Variants in PPP2R3A observed in about 807,000 individuals in gnomAD.
The protein encoded by PPP2R3A is serine/threonine-protein phosphatase 2A regulatory subunit B'' subunit alpha.
In PPP2R3A, 80 loss-of-function variants were observed where a neutral mutation model predicts 106.9. The observed-to-expected ratio is 0.75, with a 90% CI of 0.62 to 0.90. The LOEUF is 0.90. Ranked by LOEUF, PPP2R3A falls within the 40% of genes least tolerant of loss-of-function variation. PPP2R3A has a pLI of 0.00. For missense variants in PPP2R3A, 1,386 were observed against 1,350.4 expected (o/e 1.03, Z -0.41); for synonymous variants, 483 against 468.3 (o/e 1.03, Z -0.41).
chr3:136,030,778 A>ATATATATATGTATGTATG (rs1206335696), intron 3 of PPP2R3A, among the ~76,000 whole-genome samples: 2 of 111,260 alleles, frequency 1.8e-5, no homozygotes, highest in Non-Finnish European at 3.9e-5. Flanking sequence ...ATATATATAT[A>ATATATATATGTATGTATG]TATGTATGTA....
At position 136,070,537 on chromosome 3, in the gene PPP2R3A, C is replaced by G. The variant is rs773129721; in HGVS notation, c.2529C>G (p.Ser843=). The change falls in exon 6 of 14, where the codon TCC becomes TCG. Residue 843 remains serine (S), a synonymous_variant. Coordinates refer to ENST00000264977, the MANE Select transcript of PPP2R3A (RefSeq NM_002718.5). ...TGAAAGATGCTCCAGAATTCCACTC[C>G]CGCTACATCACCACGGTAGGCTGAG... ...TFLKDAPEFH[S]RYITTVIQRI... 8.1e-6 allele frequency: 13 copies of G among 1,610,174 alleles called. No individual in the cohort carries two copies. The highest frequency in any genetic ancestry group is 6.8e-5 in the Admixed American group (4 of 59,056).
chr3:136,004,041 A>G (rs1933755017), intron 2 of PPP2R3A, among the ~76,000 whole-genome samples: 1 of 152,222 alleles, frequency 6.6e-6, no homozygotes, highest in Non-Finnish European at 1.5e-5. Flanking sequence ...GTTCATGAGC[A>G]TGTGAACACC....
intron 1 of PPP2R3A, among the ~76,000 whole-genome samples, chr3:135,977,816 C>T (rs554735948): frequency 5.3e-5 from 8 of 150,448 alleles, no homozygotes; most frequent in African/African-American, 4.9e-5. Context: ...TCTCCAGCCT[C>T]GGTCTCCCGA....
chr3:136,019,655 A>G (rs1050024347), intron 2 of PPP2R3A, among the ~76,000 whole-genome samples: 4 of 152,198 alleles, frequency 2.6e-5, no homozygotes, highest in South Asian at 2.1e-4. Flanking sequence ...CCAAGCATAT[A>G]TACTAATACT....
At chr3:136,063,504 A>G (rs887462226) in intron 5 of PPP2R3A, among the ~76,000 whole-genome samples, 24 of 152,230 alleles carry the variant, frequency 1.6e-4, no homozygotes, top group African/African-American at 5.3e-4. Flanking sequence ...AATGGGAGAA[A>G]ATTTTTGCAA....
At position 136,075,372 on chromosome 3, in the gene PPP2R3A, T is replaced by C. The variant is rs148554143; in HGVS notation, c.2545-2995T>C. ...AGAGAGCAGTTAGAAAAACAATAAT[T>C]AGTGTAGAGTCAGCAGCTACATGCT... is the stretch of plus-strand genomic sequence containing the variant. On this transcript the variant is annotated intron_variant, in intron 6 of 13. Coordinates refer to ENST00000264977, the MANE Select transcript of PPP2R3A (RefSeq NM_002718.5). Among the ~76,000 whole-genome samples the C allele has an allele frequency of 7.8e-4, 118 of 152,224 alleles. 1 individual carries two copies. The East Asian group carries it at 0.014, about 18-fold the overall frequency.
At chr3:136,047,180 G>A (rs1264151358) in intron 4 of PPP2R3A, among the ~76,000 whole-genome samples, 1 of 152,310 alleles carries the variant, frequency 6.6e-6, no homozygotes, top group Non-Finnish European at 1.5e-5. Context: ...TATAGTCCAC[G>A]GAAATTTCCC....
At chr3:136,079,990 T>C (rs1936728794) in intron 7 of PPP2R3A, among the ~76,000 whole-genome samples, 1 of 152,286 alleles carries the variant, frequency 6.6e-6, no homozygotes, top group South Asian at 2.1e-4. Flanking sequence ...TAAACAGAAG[T>C]CACTATTCTT....
At chr3:136,115,174 CCTGA>C (rs1043706707) in intron 13 of PPP2R3A, among the ~76,000 whole-genome samples, 13 of 152,272 alleles carry the variant, frequency 8.5e-5, no homozygotes, top group Admixed American at 5.9e-4. Context: ...AGCAGAGGGG[CCTGA>C]CTGTTAGAAG....
At chr3:136,087,846 TA>T (rs749374648) in intron 8 of PPP2R3A, 36 bp from the exon 9 acceptor site, 4 of 1,551,764 alleles carry the variant, frequency 2.6e-6, no homozygotes, top group Non-Finnish European at 3.5e-6. Flanking sequence ...AGCATGTTTC[TA>T]ACTAGCTTTG....
chr3:136,143,332 AAC>A (rs1241800066), intron 13 of PPP2R3A, among the ~76,000 whole-genome samples: 1 of 152,046 alleles, frequency 6.6e-6, no homozygotes, highest in Non-Finnish European at 1.5e-5. Context: ...CTACTAAGAA[AAC>A]ACAAAAACCA....
intron 6 of PPP2R3A, among the ~76,000 whole-genome samples, chr3:136,073,946 T>C (rs1021089360): frequency 2.0e-5 from 3 of 152,214 alleles, no homozygotes; most frequent in African/African-American, 7.2e-5. Flanking sequence ...TCTACCCTGC[T>C]CACAGCAAAA....
chr3:136,110,258 T>G (rs1340145931), intron 13 of PPP2R3A, among the ~76,000 whole-genome samples: 1 of 152,018 alleles, frequency 6.6e-6, no homozygotes, highest in Non-Finnish European at 1.5e-5. Flanking sequence ...ACTCAACAAA[T>G]GGAAGAACTT....
In PPP2R3A at chr3:136,001,407, A is replaced by T; in HGVS notation, c.-92A>T. 2 of 1,064,090 alleles carry T rather than the reference A, an allele frequency of 1.9e-6. No individual in the cohort carries two copies. Among genetic ancestry groups the T allele is most frequent in the Non-Finnish European group, 2.8e-6 (2 of 721,510 alleles). The allele number at this position is 1,064,090 out of a possible 1,614,324, so 65.9% of individuals were successfully genotyped here. On this transcript the variant is annotated 5_prime_UTR_variant, in exon 2 of 14. It introduces an in-frame stop codon into an upstream open reading frame of the 5' UTR. Coordinates refer to ENST00000264977, the MANE Select transcript of PPP2R3A (RefSeq NM_002718.5). The stretch of plus-strand genomic sequence containing the variant: ...GAAGAAACCACTGAACATTGTTATT[A>T]AATATATTTTCAGCTAACTGTCATT...
intron 1 of PPP2R3A, among the ~76,000 whole-genome samples, chr3:135,977,588 G>A (rs1023991579): frequency 6.7e-6 from 1 of 150,014 alleles, no homozygotes; most frequent in Admixed American, 6.6e-5. Context: ...TGCAACACGT[G>A]TCAAAATATA....
At chr3:136,122,227 G>C (rs919241264) in intron 13 of PPP2R3A, among the ~76,000 whole-genome samples, 1 of 152,102 alleles carries the variant, frequency 6.6e-6, no homozygotes, top group South Asian at 2.1e-4. Flanking sequence ...AAGCTGAGGC[G>C]GAAGGATCAC....
chr3:136,058,856 G>C (rs1324909018), intron 5 of PPP2R3A, among the ~76,000 whole-genome samples: 1 of 152,092 alleles, frequency 6.6e-6, no homozygotes, highest in African/African-American at 2.4e-5. Flanking sequence ...AGCTACAACT[G>C]TCTGATCTTT....
At chr3:136,111,281 A>G (rs747752890) in intron 13 of PPP2R3A, among the ~76,000 whole-genome samples, 3 of 152,214 alleles carry the variant, frequency 2.0e-5, no homozygotes, top group Non-Finnish European at 4.4e-5. Flanking sequence ...GTAGAGAAAT[A>G]TAGACATTGA....
At chr3:136,018,912 T>C (rs1226986961) in intron 2 of PPP2R3A, among the ~76,000 whole-genome samples, 4 of 152,146 alleles carry the variant, frequency 2.6e-5, no homozygotes, top group African/African-American at 9.7e-5. Flanking sequence ...TGGAGAAAGA[T>C]ATATGGAATG....
Sources: gnomAD v4.1 joint callset for allele counts (sites outside exome capture counted in the v4.1 genomes callset) on GRCh38, gnomAD v4.1.1 for gene constraint, MANE v1.5 for transcripts, NCBI Gene and HGNC (gene_info 2026-07-23, HGNC 2026-07-21) for gene names.